The following USP54 variants were observed in gnomAD, a reference collection of about 807,000 sequenced individuals.
USP54 encodes the protein ubiquitin carboxyl-terminal hydrolase 54.
USP54 carries 87 observed loss-of-function variants against 170.5 expected under a neutral mutation model. The ratio of observed to expected loss-of-function variants is 0.51; its 90% confidence interval spans 0.43 to 0.61. The LOEUF (loss-of-function observed/expected upper bound fraction) is 0.61. USP54 is among the 20% of genes least tolerant of loss of function. The probability of loss-of-function intolerance (pLI) is 0.00; values close to 1 mark genes in which losing one functional copy is unlikely to be tolerated. For synonymous variants in USP54, 655 were observed against 742.8 expected, an observed-to-expected ratio of 0.88 and a Z score of 1.92; for missense variants, 1,786 against 2,047.8, an observed-to-expected ratio of 0.87 and a Z score of 2.47.
intron 5 of USP54, among the ~76,000 whole-genome samples, chr10:73,544,863 G>A (rs1043938017): frequency 3.3e-5 from 5 of 152,018 alleles, no homozygotes; most frequent in Non-Finnish European, 5.9e-5. Context: ...ATAGGCGCCC[G>A]CCACCATGCC....
At position 73,519,908 on chromosome 10, in the gene USP54, C is replaced by T. The variant is rs375524328; in HGVS notation, c.2567G>A (p.Arg856Gln). The T allele has an allele frequency of 5.3e-5, 85 of 1,613,872 alleles. No individual in the cohort carries two copies. Among genetic ancestry groups the T allele is most frequent in the African/African-American group, 4.7e-4 (35 of 74,890 alleles). ...GCGATCCTGCAGGCTCCGTGCTTTT[C>T]GAATACTGATTTGCAACTTCTTATC... ...LVDKKLQISI[R>Q]KARSLQDRMQ... Residue 856 changes from arginine to glutamine, a missense_variant, in exon 19 of 24, where the codon CGA (arginine) becomes CAA (glutamine). By Grantham distance (43) the Arg-to-Gln change is conservative. Around this residue, in one of 3 missense-constraint regions of USP54, gnomAD observed 1,418 missense variants for 1,569.0 expected, o/e 0.90. Transcript: ENST00000687698.
In USP54 at chr10:73,529,837, A is replaced by G; in HGVS notation, c.1903T>C (p.Tyr635His). 6.3e-7 allele frequency: 1 copy of G among 1,596,146 alleles called. No individual in the cohort carries two copies. The highest frequency in any genetic ancestry group is 8.5e-7 in the Non-Finnish European group (1 of 1,171,504). ...GGCCGTGCTGGGCCCCAGCGCTTGT[A>G]CTGGGGGCTTGGTCCACCAAATTTA... ...DIKFGGPSPQ[Y>H]KRWGPARPGS... is the part of the protein sequence containing the mutation. Residue 635 changes from tyrosine to histidine, a missense_variant, in exon 15 of 24, where the codon TAC becomes CAC. Physicochemically the swap from Tyr to His is moderately conservative, Grantham distance 83. Coordinates refer to ENST00000687698, the MANE Select transcript of USP54 (RefSeq NM_001391956.1).
chr10:73,564,298 C>T (rs2073797487), intron 4 of USP54, among the ~76,000 whole-genome samples: 1 of 152,036 alleles, frequency 6.6e-6, no homozygotes, highest in Non-Finnish European at 1.5e-5. Flanking sequence ...ACATTTTAGT[C>T]CTTAATATCT....
intron 4 of USP54, among the ~76,000 whole-genome samples, chr10:73,567,427 T>A (rs2074099629): frequency 6.6e-6 from 1 of 152,140 alleles, no homozygotes; most frequent in Non-Finnish European, 1.5e-5. Flanking sequence ...TCCCAGCACT[T>A]TGGGAGGCCA....
At chr10:73,615,462 T>G (rs1336052784) in intron 1 of USP54, among the ~76,000 whole-genome samples, 3 of 140,190 alleles carry the variant, frequency 2.1e-5, no homozygotes, top group Non-Finnish European at 4.8e-5. Flanking sequence ...CATTTTTAAA[T>G]AACTACAAGT....
chr10:73,505,455 A>G (rs1564614216), intron 20 of USP54, 29 bp from the exon 21 acceptor site: 1 of 1,598,896 alleles, frequency 6.3e-7, no homozygotes, highest in Admixed American at 1.7e-5. Context: ...ATACAAGTTG[A>G]GGCCATCTCT....
chr10:73,615,856 G>A (rs2080579776), intron 1 of USP54, among the ~76,000 whole-genome samples: 1 of 143,238 alleles, frequency 7.0e-6, no homozygotes, highest in Non-Finnish European at 1.5e-5. Context: ...GGAAATTGAG[G>A]CTGTAGTGAG....
chr10:73,538,690 T>C (rs1317766768), intron 10 of USP54, among the ~76,000 whole-genome samples: 3 of 151,956 alleles, frequency 2.0e-5, no homozygotes, highest in Non-Finnish European at 2.9e-5. Context: ...CACACACCTA[T>C]AGTCACAGCT....
At chr10:73,590,660 C>T (rs370064664) in intron 1 of USP54, among the ~76,000 whole-genome samples, 49 of 152,214 alleles carry the variant, frequency 3.2e-4, no homozygotes, top group African/African-American at 1.1e-3. Flanking sequence ...GAAGCAGGTG[C>T]TAATGAACAA....
chr10:73,622,054 A>G (rs1011777927), intron 1 of USP54, among the ~76,000 whole-genome samples: 3 of 152,204 alleles, frequency 2.0e-5, no homozygotes, highest in African/African-American at 7.2e-5. Flanking sequence ...CCTACAAAAG[A>G]AAGAAATCTT....
intron 1 of USP54, among the ~76,000 whole-genome samples, chr10:73,614,206 A>G (rs1351015565): frequency 2.0e-5 from 3 of 150,160 alleles, no homozygotes; most frequent in African/African-American, 7.6e-5. Flanking sequence ...AAACAAACAA[A>G]AAAACTGTAT....
chr10:73,520,880 C>T (rs1211557719), intron 18 of USP54, 28 bp downstream of exon 18: 1 of 1,613,632 alleles, frequency 6.2e-7, no homozygotes, highest in African/African-American at 1.3e-5. Flanking sequence ...TCAAAAGTGC[C>T]ACAGCCATAG....
At chr10:73,560,000 G>A (rs1171233981) in intron 4 of USP54, among the ~76,000 whole-genome samples, 1 of 151,906 alleles carries the variant, frequency 6.6e-6, no homozygotes, top group Non-Finnish European at 1.5e-5. Context: ...AGCTGAGATA[G>A]TGCCACTGCA....
intron 16 of USP54, among the ~76,000 whole-genome samples, chr10:73,525,964 A>ACCCC (rs148918481): frequency 0.013 from 1,965 of 152,290 alleles, 39 homozygotes; most frequent in African/African-American, 0.044. Context: ...AGCCACATGT[A>ACCCC]CCCCTTTGGT....
At chr10:73,559,732 A>AT (rs1483660267) in intron 4 of USP54, among the ~76,000 whole-genome samples, 2 of 150,922 alleles carry the variant, frequency 1.3e-5, no homozygotes, top group East Asian at 2.0e-4. Context: ...CATCTCAAAA[A>AT]AAAAAAAAAG....
intron 15 of USP54, chr10:73,529,396 G>A: frequency 2.3e-6 from 1 of 429,428 alleles, no homozygotes; most frequent in South Asian, 2.2e-5. Context: ...GAACTCCTAT[G>A]ACACAAGTTT....
Position 73,517,551 on chromosome 10 carries a change from C to A in USP54, c.2875G>T (p.Val959Phe). 6.2e-7 allele frequency: 1 copy of A among 1,614,186 alleles called. No homozygotes were observed. Among genetic ancestry groups the A allele is most frequent in the Non-Finnish European group, 8.5e-7 (1 of 1,180,028 alleles). Residue 959 changes from valine to phenylalanine, a missense_variant, in exon 20 of 24, where the codon GTT becomes TTT. Coordinates refer to ENST00000687698, the MANE Select transcript of USP54 (RefSeq NM_001391956.1). Reference sequence around the variant, plus strand: ...GAGGGTTCAATGTTGTCTACTTCAACCGAAGTCAGAAGCTTCAAGGCAGAT... The same window carrying A: ...GAGGGTTCAATGTTGTCTACTTCAAACGAAGTCAGAAGCTTCAAGGCAGAT... ...SRSALKLLTS[V>F]EVDNIEPSAF... is the part of the protein sequence containing the mutation.
Position 73,590,500 on chromosome 10 carries a change from T to A in USP54, c.-582+778A>T, listed in dbSNP as rs143764707. On this transcript the variant is annotated intron_variant, in intron 1 of 23. Transcript: ENST00000687698. ...CAACCATCCAGTATCCAAAAAAAAA[T>A]TTTTTTTTAATACACACACAAATAT... Among the ~76,000 whole-genome samples the A allele has an allele frequency of 1.8e-3, 270 of 151,622 alleles. 1 individual carries two copies. The highest frequency in any genetic ancestry group is 2.4e-3 in the African/African-American group (100 of 41,360).
At chr10:73,595,805 T>C (rs1271413987), upstream of USP54, among the ~76,000 whole-genome samples, 1 of 152,088 alleles carries the variant, frequency 6.6e-6, no homozygotes, top group Admixed American at 6.6e-5. Context: ...ATTACCTAAA[T>C]GCTAGTCTTA....
Sources: allele counts gnomAD v4.1 joint callset (sites outside exome capture counted in the v4.1 genomes callset), GRCh38; gene constraint gnomAD v4.1.1; regional missense constraint gnomAD v4.1.1; transcripts MANE v1.5; gene names NCBI Gene and HGNC (gene_info 2026-07-23, HGNC 2026-07-21).